The following TRPC7 variants were observed in gnomAD, a reference collection of about 807,000 sequenced individuals.
The protein encoded by TRPC7 is short transient receptor potential channel 7.
In TRPC7, 42 loss-of-function variants were observed where a neutral mutation model predicts 90.1. That is an observed-to-expected ratio of 0.47 (90% CI 0.36 to 0.60). TRPC7 has a LOEUF of 0.60. Ranked by LOEUF, TRPC7 falls within the 20% of genes least tolerant of loss-of-function variation. The probability of loss-of-function intolerance (pLI) is 0.00; values close to 1 mark genes in which losing one functional copy is unlikely to be tolerated. For missense variants in TRPC7, 955 were observed against 1,112.3 expected (o/e 0.86, Z 2.01); for synonymous variants, 451 against 436.3 (o/e 1.03, Z -0.42).
At chr5:136,275,270 A>T (rs1040749570) in intron 3 of TRPC7, among the ~76,000 whole-genome samples, 4 of 151,610 alleles carry the variant, frequency 2.6e-5, no homozygotes, top group African/African-American at 9.7e-5. Flanking sequence ...ATTTTGTTCT[A>T]CCCCCTACTA....
intron 7 of TRPC7, among the ~76,000 whole-genome samples, chr5:136,244,772 T>C (rs1443498564): frequency 1.3e-5 from 2 of 152,238 alleles, no homozygotes; most frequent in Non-Finnish European, 2.9e-5. Context: ...TTGAAACTTA[T>C]TCTATTCCTT....
intron 7 of TRPC7, among the ~76,000 whole-genome samples, chr5:136,236,132 G>A (rs544413096): frequency 2.8e-4 from 42 of 152,286 alleles, no homozygotes; most frequent in Admixed American, 1.2e-3. Context: ...GCCAGGCACC[G>A]TACCAGGCGA....
rs536023539 is a variant in TRPC7 at position 136,352,289 on chromosome 5, C to T, written c.780+4319G>A. On this transcript the variant is annotated intron_variant, in intron 2 of 11. Coordinates refer to ENST00000513104, the MANE Select transcript of TRPC7 (RefSeq NM_020389.3). ...CATCCTTTCTTTCCATGTCCCCGCC[C>T]TGCCCCACCAGGCATTGCTGTTTCC... Among the ~76,000 whole-genome samples, 27 of 152,292 alleles carry T rather than the reference C, an allele frequency of 1.8e-4. No homozygotes were observed. In the Middle Eastern group the frequency reaches 0.014, roughly 77 times the overall value.
At chr5:136,215,885 G>A (rs1441903261) in intron 11 of TRPC7, among the ~76,000 whole-genome samples, 1 of 151,956 alleles carries the variant, frequency 6.6e-6, no homozygotes, top group Non-Finnish European at 1.5e-5. Context: ...ATGGGACAAT[G>A]GAAGATGAGG....
intron 2 of TRPC7, among the ~76,000 whole-genome samples, chr5:136,353,094 T>A (rs1760253520): frequency 6.6e-6 from 1 of 152,186 alleles, no homozygotes; most frequent in Non-Finnish European, 1.5e-5. Context: ...CATCAAGTTT[T>A]AATATCTTTC....
chr5:136,221,395 G>T (rs1312479619), intron 10 of TRPC7, among the ~76,000 whole-genome samples: 1 of 152,214 alleles, frequency 6.6e-6, no homozygotes, highest in Non-Finnish European at 1.5e-5. Flanking sequence ...GGAGAGGAAG[G>T]CACACAGTTC....
chr5:136,365,271 A>T lies in TRPC7; in HGVS notation c.-17T>A. 1 of 1,537,190 alleles carries T rather than the reference A, an allele frequency of 6.5e-7. No homozygotes were observed. The highest frequency in any genetic ancestry group is 8.7e-7 in the Non-Finnish European group (1 of 1,146,868). ...TGCTTACATTGAGGGTGTAATACGC[A>T]GGCTTGTTCCTCCTCTAGATGACCG... On this transcript the variant is annotated 5_prime_UTR_variant, in exon 1 of 12. Coordinates refer to ENST00000513104, the MANE Select transcript of TRPC7 (RefSeq NM_020389.3).
intron 3 of TRPC7, among the ~76,000 whole-genome samples, chr5:136,284,481 AAAGCC>A (rs1757647799): frequency 6.6e-6 from 1 of 152,222 alleles, no homozygotes; most frequent in Non-Finnish European, 1.5e-5. Flanking sequence ...TGATATATTT[AAAGCC>A]ACATCTACCT....
At chr5:136,290,713 C>T (rs546970712) in intron 3 of TRPC7, among the ~76,000 whole-genome samples, 104 of 152,264 alleles carry the variant, frequency 6.8e-4, no homozygotes, top group African/African-American at 2.3e-3. Flanking sequence ...TTGGAAAACA[C>T]TCTGCAGGAT....
chr5:136,247,970 ACT>A lies in TRPC7; in HGVS notation c.1580-237_1580-236del, dbSNP rs1277686874. Among the ~76,000 whole-genome samples the A allele has an allele frequency of 1.3e-5, 2 of 151,888 alleles. No homozygotes were observed. Among genetic ancestry groups the A allele is most frequent in the African/African-American group, 2.4e-5 (1 of 41,342 alleles). On this transcript the variant is annotated intron_variant, in intron 6 of 11. Transcript: ENST00000513104. This position sits in a 1 kb window ranked among gnomAD's most constrained non-coding sequence, Gnocchi z 4.2. ...GATTCATTCCTAATCCTCCTCTAAG[ACT>A]CTGCTCAGGCATCACCTCTTTCAGG... is the stretch of plus-strand genomic sequence containing the variant.
At chr5:136,361,144 A>G (rs1476052269) in intron 1 of TRPC7, among the ~76,000 whole-genome samples, 3 of 152,206 alleles carry the variant, frequency 2.0e-5, no homozygotes, top group Non-Finnish European at 4.4e-5. Context: ...TTTAGGGCCA[A>G]TGATAAGCAA....
At chr5:136,310,885 C>T (rs1373981864) in intron 3 of TRPC7, among the ~76,000 whole-genome samples, 2 of 152,078 alleles carry the variant, frequency 1.3e-5, no homozygotes, top group African/African-American at 2.4e-5. Flanking sequence ...GTCTCTAGAC[C>T]TCATAGGTGG....
At position 136,357,348 on chromosome 5, in the gene TRPC7, GC is replaced by G; in HGVS notation, c.39del (p.His14ThrfsTer4). ...RNSTFKNMQR[R>X]HTTLREKGRR... ...CGGCCCTTCTCCCTCAGCGTTGTGT[GC>G]CGGCGCTGCATGTTTTTGAAGGTGC... is the stretch of plus-strand genomic sequence containing the variant. On this transcript the variant is annotated frameshift_variant, in exon 2 of 12. Coordinates refer to ENST00000513104, the MANE Select transcript of TRPC7 (RefSeq NM_020389.3). LOFTEE classifies it high-confidence loss of function. 1 of 1,602,662 alleles carries G rather than the reference GC, an allele frequency of 6.2e-7. No homozygotes were observed. The highest frequency in any genetic ancestry group is 8.5e-7 in the Non-Finnish European group (1 of 1,179,634).
chr5:136,313,251 G>T (rs1000630574), intron 3 of TRPC7, among the ~76,000 whole-genome samples: 2 of 152,124 alleles, frequency 1.3e-5, no homozygotes, highest in African/African-American at 4.8e-5. Context: ...AGCAGCCCAT[G>T]GAACTGCTAA....
At chr5:136,342,350 G>A (rs1421388323) in intron 2 of TRPC7, among the ~76,000 whole-genome samples, 2 of 152,198 alleles carry the variant, frequency 1.3e-5, no homozygotes, top group African/African-American at 4.8e-5. Context: ...TCTGCTGAGG[G>A]GTGCAGACTG....
rs189664342 is a variant in TRPC7, at chr5:136,309,723, G to A, written c.963+5874C>T. ...TAAGAGGGTGGTTCTTCTATCAGCC[G>A]GGATTCCTGAGGGAATTCAGTTCCA... On this transcript the variant is annotated intron_variant, in intron 3 of 11. Coordinates refer to ENST00000513104, the MANE Select transcript of TRPC7 (RefSeq NM_020389.3). Among the ~76,000 whole-genome samples the A allele has an allele frequency of 5.3e-5, 8 of 152,318 alleles. 1 individual carries two copies. In the East Asian group the frequency reaches 5.8e-4, roughly 11 times the overall value.
intron 7 of TRPC7, among the ~76,000 whole-genome samples, chr5:136,238,543 C>T (rs1756063151): frequency 6.6e-6 from 1 of 152,220 alleles, no homozygotes; most frequent in Non-Finnish European, 1.5e-5. Context: ...GCCACTGTCA[C>T]TTAGAGAAAT....
chr5:136,232,965 AT>A (rs1755864539), intron 7 of TRPC7, among the ~76,000 whole-genome samples: 1 of 152,140 alleles, frequency 6.6e-6, no homozygotes, highest in Non-Finnish European at 1.5e-5. Flanking sequence ...AAGGATTGGT[AT>A]TTATTTGACA....
rs1170801767 is a variant in TRPC7, at chr5:136,247,976, C to A, written c.1580-241G>T. On this transcript the variant is annotated intron_variant, in intron 6 of 11. Coordinates refer to ENST00000513104, the MANE Select transcript of TRPC7 (RefSeq NM_020389.3). This position sits in a 1 kb window ranked among gnomAD's most constrained non-coding sequence, Gnocchi z 4.2. Reference sequence around the variant, plus strand: ...TTCCTAATCCTCCTCTAAGACTCTGCTCAGGCATCACCTCTTTCAGGAAGC... The same window carrying A: ...TTCCTAATCCTCCTCTAAGACTCTGATCAGGCATCACCTCTTTCAGGAAGC... 6.6e-6 allele frequency among the ~76,000 whole-genome samples: 1 copy of A among 152,214 alleles called. No individual in the cohort carries two copies. Among genetic ancestry groups the A allele is most frequent in the South Asian group, 2.1e-4 (1 of 4,834 alleles).
Sources: allele counts gnomAD v4.1 joint callset (sites outside exome capture counted in the v4.1 genomes callset), GRCh38; gene constraint gnomAD v4.1.1; non-coding constraint Gnocchi (gnomAD v3.1); transcripts MANE v1.5; gene names NCBI Gene and HGNC (gene_info 2026-07-23, HGNC 2026-07-21).